SETD2: variants seen among roughly 807,000 people sequenced by gnomAD.
The protein encoded by SETD2 is histone-lysine N-methyltransferase SETD2.
In SETD2, 31 loss-of-function variants were observed where a neutral mutation model predicts 242.1. The ratio of observed to expected loss-of-function variants is 0.13; its 90% CI spans 0.10 to 0.17. The LOEUF (loss-of-function observed/expected upper bound fraction) is 0.17, where lower values mean the gene tolerates loss of function less well. Among genes scored for constraint, SETD2 ranks in the 10% least tolerant of loss-of-function variants. The pLI, the probability that SETD2 is intolerant of heterozygous loss-of-function variation, is 1.00. For synonymous variants in SETD2, 1,006 were observed against 1,066.5 expected (o/e 0.94, Z 1.11); for missense variants, 2,481 against 3,046.3 (o/e 0.81, Z 4.37).
At chr3:47,097,867 T>C (rs1426085825) in intron 9 of SETD2, 88 bp downstream of exon 9, 5 of 1,271,348 alleles carry the variant, frequency 3.9e-6, no homozygotes, top group Non-Finnish European at 5.6e-6. Flanking sequence ...CTGGTGGCAG[T>C]AGTATGACTT....
At chr3:47,030,145 T>C (rs1387832982) in intron 18 of SETD2, among the ~76,000 whole-genome samples, 4 of 151,514 alleles carry the variant, frequency 2.6e-5, no homozygotes, top group African/African-American at 9.7e-5. Flanking sequence ...TGAGACCCTG[T>C]CTTGAAAAAA....
chr3:47,142,860 G>C (rs534035950), intron 1 of SETD2, among the ~76,000 whole-genome samples: 1 of 152,064 alleles, frequency 6.6e-6, no homozygotes, highest in African/African-American at 2.4e-5. Context: ...GCAGAGATGG[G>C]GTTTCACCAT....
intron 9 of SETD2, among the ~76,000 whole-genome samples, chr3:47,095,484 C>A (rs2041971925): frequency 6.6e-6 from 1 of 152,152 alleles, no homozygotes; most frequent in Admixed American, 6.6e-5. Context: ...TTAATAACTA[C>A]TTTGTGGTTG....
At chr3:47,117,553 T>A (rs574261986) in intron 3 of SETD2, among the ~76,000 whole-genome samples, 1 of 152,120 alleles carries the variant, frequency 6.6e-6, no homozygotes, top group East Asian at 1.9e-4. Flanking sequence ...AGATATAAGA[T>A]TGAGGGAGAA....
Position 47,057,436 on chromosome 3 carries a change from A to G in SETD2, c.6348T>C (p.Leu2116=), listed in dbSNP as rs1485734385. Residue 2116 remains leucine, a synonymous_variant, in exon 15 of 21, where the codon CTT becomes CTC. Coordinates refer to ENST00000409792, the MANE Select transcript of SETD2 (RefSeq NM_014159.7). ...ACAACTTCCGGCGTTCCTCTGTAGA[A>G]AGTTTATTGCGGTCTTTAATTCGTA... ...KKVRIKDRNK[L]STEERRKLFE... 6.2e-7 allele frequency: 1 copy of G among 1,614,078 alleles called. No homozygotes were observed. Among genetic ancestry groups the G allele is most frequent in the African/African-American group, 1.3e-5 (1 of 74,922 alleles).
rs185405722 is a variant in SETD2 at position 47,094,992 on chromosome 3, G to A, written c.5142+2963C>T. ...GTTATCCTTAAATCTTCTCAGAAAG[G>A]TAAAAAGCCACCTAATGGAGGTATG... is the stretch of plus-strand genomic sequence containing the variant. On this transcript the variant is annotated intron_variant, in intron 9 of 20. Transcript: ENST00000409792. Among the ~76,000 whole-genome samples, 5 of 152,274 alleles carry A rather than the reference G, an allele frequency of 3.3e-5. No individual in the cohort carries two copies. The East Asian group carries it at 9.6e-4, about 29-fold the overall frequency.
At chr3:47,079,591 T>G (rs948480228) in intron 12 of SETD2, among the ~76,000 whole-genome samples, 1 of 152,206 alleles carries the variant, frequency 6.6e-6, no homozygotes, top group Non-Finnish European at 1.5e-5. Context: ...ATCTTTTAGA[T>G]CAGATGTTGG....
chr3:47,111,512 GTGAGCTA>G (rs1389837811), intron 5 of SETD2, among the ~76,000 whole-genome samples: 1 of 152,146 alleles, frequency 6.6e-6, no homozygotes, highest in Non-Finnish European at 1.5e-5. Context: ...CGACACTGCA[GTGAGCTA>G]TGATTGCGCC....
chr3:47,163,701 C>G, intron 1 of SETD2, 153 bp downstream of exon 1: 2 of 548,044 alleles, frequency 3.6e-6, no homozygotes, highest in East Asian at 5.2e-5. Context: ...CTCGAAGTGG[C>G]GGCGCGGGCC....
At chr3:47,098,269 T>A in intron 8 of SETD2, 188 bp from the exon 9 acceptor site, 1 of 420,136 alleles carries the variant, frequency 2.4e-6, no homozygotes, top group Non-Finnish European at 4.1e-6. Context: ...AAAATATTCA[T>A]TATTTTTCCA....
At chr3:47,133,823 C>T (rs2043534712) in intron 1 of SETD2, among the ~76,000 whole-genome samples, 1 of 152,072 alleles carries the variant, frequency 6.6e-6, no homozygotes, top group Non-Finnish European at 1.5e-5. Flanking sequence ...TTCTGGTAAG[C>T]ACTGATAAAA....
At chr3:47,155,768 T>C (rs1316220960) in intron 1 of SETD2, among the ~76,000 whole-genome samples, 1 of 152,138 alleles carries the variant, frequency 6.6e-6, no homozygotes, top group African/African-American at 2.4e-5. Context: ...ATTGTGCCAC[T>C]GCACTCCAGC....
intron 9 of SETD2, among the ~76,000 whole-genome samples, chr3:47,097,511 G>T (rs374791975): frequency 1.3e-5 from 2 of 152,162 alleles, no homozygotes; most frequent in African/African-American, 4.8e-5. Context: ...GAGCATCTGT[G>T]ACTACTCCTG....
At chr3:47,092,689 A>C (rs1039144015) in intron 9 of SETD2, among the ~76,000 whole-genome samples, 1 of 152,032 alleles carries the variant, frequency 6.6e-6, no homozygotes, top group Non-Finnish European at 1.5e-5. Context: ...TCTAAGTAGC[A>C]TTTTAAATAC....
chr3:47,049,370 T>TA (rs2039698590), intron 15 of SETD2, among the ~76,000 whole-genome samples: 1 of 101,252 alleles, frequency 9.9e-6, no homozygotes, highest in South Asian at 3.2e-4. Flanking sequence ...TATATAAACT[T>TA]ATTCTTTTTT....
chr3:47,144,186 G>A (rs982770199), intron 1 of SETD2, among the ~76,000 whole-genome samples: 9 of 152,118 alleles, frequency 5.9e-5, no homozygotes, highest in Non-Finnish European at 1.3e-4. Flanking sequence ...ATACCTCACA[G>A]AAACAACACA....
chr3:47,122,805 T>C lies in SETD2; in HGVS notation c.1831A>G (p.Lys611Glu), dbSNP rs2106687924. Residue 611 changes from lysine to glutamate, a missense_variant, in exon 3 of 21, where the codon AAG (lysine) becomes GAG (glutamate). Lys to Glu is a moderately conservative substitution (Grantham distance 56). This residue lies in a region of SETD2 where 1,300 missense variants were observed against 1,259.2 expected (regional missense o/e 1.03). Coordinates refer to ENST00000409792, the MANE Select transcript of SETD2 (RefSeq NM_014159.7). ...RMINKNPERE[K>E]AGSPAPSNRL... ...TTTGATGGAGCTGGAGACCCAGCCT[T>C]TTCTCTTTCAGGATTTTTATTAATC... 4 of 1,613,374 alleles carry C rather than the reference T, an allele frequency of 2.5e-6. No homozygotes were observed. Among genetic ancestry groups the C allele is most frequent in the Non-Finnish European group, 3.4e-6 (4 of 1,179,794 alleles).
chr3:47,111,021 G>A (rs1252514442), intron 5 of SETD2, among the ~76,000 whole-genome samples: 1 of 126,084 alleles, frequency 7.9e-6, no homozygotes, highest in Non-Finnish European at 1.6e-5. Context: ...CCAGCATCCA[G>A]ACAGCTCATC....
chr3:47,099,702 T>G (rs2042135907), intron 8 of SETD2, among the ~76,000 whole-genome samples: 1 of 152,094 alleles, frequency 6.6e-6, no homozygotes, highest in African/African-American at 2.4e-5. Flanking sequence ...CTCAATGTCC[T>G]AGGCTCAAGT....
Sources: allele counts gnomAD v4.1 joint callset (sites outside exome capture counted in the v4.1 genomes callset), GRCh38; gene constraint gnomAD v4.1.1; regional missense constraint gnomAD v4.1.1; transcripts MANE v1.5; gene names NCBI Gene and HGNC (gene_info 2026-07-23, HGNC 2026-07-21).